PITPNC1: variants seen among roughly 807,000 people sequenced by gnomAD.
The protein encoded by PITPNC1 is phosphatidylinositol transfer protein cytoplasmic 1, also known as cytoplasmic phosphatidylinositol transfer protein 1.
In PITPNC1, 18 loss-of-function variants were observed where a neutral mutation model predicts 44.7. The ratio of observed to expected loss-of-function variants is 0.40; its 90% CI spans 0.28 to 0.60. PITPNC1 has a LOEUF of 0.60. Among genes scored for constraint, PITPNC1 ranks in the 20% least tolerant of loss-of-function variants. The probability of loss-of-function intolerance (pLI) is 0.39; values close to 1 mark genes in which losing one functional copy is unlikely to be tolerated. For missense variants in PITPNC1, 290 were observed against 418.4 expected, an observed-to-expected ratio of 0.69 and a Z score of 2.68; for synonymous variants, 141 against 149.6, an observed-to-expected ratio of 0.94 and a Z score of 0.42.
chr17:67,534,935 T>C (rs2040508466), intron 2 of PITPNC1, among the ~76,000 whole-genome samples: 1 of 152,192 alleles, frequency 6.6e-6, no homozygotes. Flanking sequence ...CATTCTCGCC[T>C]TGACCCCACT....
intron 5 of PITPNC1, among the ~76,000 whole-genome samples, chr17:67,610,846 G>A (rs752298253): frequency 1.3e-5 from 2 of 151,210 alleles, no homozygotes; most frequent in Non-Finnish European, 2.9e-5. Context: ...GTTTGAACCC[G>A]AGGGGCGGAG....
At chr17:67,586,613 A>G (rs752428259) in intron 5 of PITPNC1, among the ~76,000 whole-genome samples, 12 of 151,986 alleles carry the variant, frequency 7.9e-5, no homozygotes, top group Non-Finnish European at 1.5e-4. Context: ...AAAAAAATGT[A>G]TACTAAACTT....
chr17:67,487,156 C>G (rs967855356), intron 1 of PITPNC1, among the ~76,000 whole-genome samples: 7 of 152,080 alleles, frequency 4.6e-5, no homozygotes, highest in African/African-American at 1.7e-4. Flanking sequence ...TTATGTTAGA[C>G]CACCCCAACC....
chr17:67,631,663 TATATATATAAA>T (rs1452061650), intron 5 of PITPNC1, among the ~76,000 whole-genome samples: 3 of 71,370 alleles, frequency 4.2e-5, no homozygotes, highest in Non-Finnish European at 9.8e-5. Context: ...AAAAAATATA[TATATATATAAA>T]ATATATATTT....
At chr17:67,653,834 T>C (rs1310684244) in intron 6 of PITPNC1, among the ~76,000 whole-genome samples, 2 of 152,190 alleles carry the variant, frequency 1.3e-5, no homozygotes, top group African/African-American at 4.8e-5. Context: ...GGAAGATTAC[T>C]GGAAGGAAAG....
chr17:67,528,626 G>A (rs2040420874), intron 1 of PITPNC1, among the ~76,000 whole-genome samples: 1 of 152,160 alleles, frequency 6.6e-6, no homozygotes, highest in Non-Finnish European at 1.5e-5. Flanking sequence ...AGAAACAAGC[G>A]TCCTAAAGAC....
intron 1 of PITPNC1, among the ~76,000 whole-genome samples, chr17:67,419,839 G>A (rs1412293623): frequency 1.3e-5 from 2 of 151,228 alleles, no homozygotes; most frequent in African/African-American, 4.9e-5. Context: ...CCGGGAGGTG[G>A]AAGTTGCAGT....
chr17:67,520,903 G>C (rs976879339), intron 1 of PITPNC1, among the ~76,000 whole-genome samples: 20 of 152,278 alleles, frequency 1.3e-4, no homozygotes, highest in Middle Eastern at 3.4e-3. Context: ...ACCTGTAAGT[G>C]CTGCATGTTA....
intron 1 of PITPNC1, among the ~76,000 whole-genome samples, chr17:67,513,485 G>GTATA (rs1192843030): frequency 2.2e-5 from 3 of 134,880 alleles, no homozygotes; most frequent in African/African-American, 9.6e-5. Context: ...ATATGTGTGT[G>GTATA]TGTGTATATA....
intron 1 of PITPNC1, among the ~76,000 whole-genome samples, chr17:67,441,494 T>C (rs2039012292): frequency 6.6e-6 from 1 of 152,034 alleles, no homozygotes; most frequent in African/African-American, 2.4e-5. Flanking sequence ...GGAAGCAAAG[T>C]GAAGTGGGAA....
rs57804710 is a variant in PITPNC1, at chr17:67,631,655, A to ATATATAT, written c.367-488_367-487insTATATAT. ...AAAACCAAAAAAAAAAAAAAAAAAA[A>ATATATAT]AAATATATATATATATAAAATATAT... On this transcript the variant is annotated intron_variant, in intron 5 of 8. Coordinates refer to ENST00000581322, the MANE Select transcript of PITPNC1 (RefSeq NM_012417.4). 3.6e-3 allele frequency among the ~76,000 whole-genome samples: 30 copies of ATATATAT among 8,304 alleles called. 3 individuals carry two copies. Among genetic ancestry groups the ATATATAT allele is most frequent in the South Asian group, 0.03 (4 of 134 alleles). 5.4% of individuals were successfully genotyped at this position (8,304 alleles called of 152,430 possible).
In PITPNC1 at chr17:67,676,173, C is replaced by T. The variant is rs9789029; in HGVS notation, c.682+631C>T. ...AGTGAGCCGAGATCGCACCACTGCA[C>T]TCCAGCCTGGGGGACAGAGCGAGAC... is the stretch of plus-strand genomic sequence containing the variant. On this transcript the variant is annotated intron_variant, in intron 8 of 8. Transcript: ENST00000581322. The surrounding 1 kb of genome is among the most constrained non-coding windows in gnomAD (Gnocchi z 4.0). Among the ~76,000 whole-genome samples, 85,583 of 150,556 alleles carry T rather than the reference C, an allele frequency of 0.57. 25,048 individuals carry two copies. Among genetic ancestry groups the T allele is most frequent in the Non-Finnish European group, 0.64 (43,466 of 67,646 alleles).
In PITPNC1 at chr17:67,447,080, A is replaced by G. The variant is rs1296784122; in HGVS notation, c.48+68878A>G. Among the ~76,000 whole-genome samples, 44 of 107,198 alleles carry G rather than the reference A, an allele frequency of 4.1e-4. No homozygotes were observed. In the Admixed American group the frequency reaches 5.9e-3, roughly 14 times the overall value. 70.3% of individuals were successfully genotyped at this position (107,198 alleles called of 152,430 possible). A position where few individuals can be genotyped will look rare whatever the true frequency, so the allele number is the denominator to read the frequency against. On this transcript the variant is annotated intron_variant, in intron 1 of 8. Coordinates refer to ENST00000581322, the MANE Select transcript of PITPNC1 (RefSeq NM_012417.4). Reference sequence around the variant, plus strand: ...ACTCCAGCCTGGGCCATAGAGTGAGACTCTGTCTCAAAAAAAAAAAAAAAA... The same window carrying G: ...ACTCCAGCCTGGGCCATAGAGTGAGGCTCTGTCTCAAAAAAAAAAAAAAAA...
intron 1 of PITPNC1, among the ~76,000 whole-genome samples, chr17:67,383,216 C>T (rs565176878): frequency 2.0e-5 from 3 of 152,192 alleles, no homozygotes; most frequent in Middle Eastern, 3.4e-3. Flanking sequence ...AGGCTGGTCT[C>T]GAACTCCTGA....
At chr17:67,657,446 C>A (rs576690830) in intron 6 of PITPNC1, among the ~76,000 whole-genome samples, 16 of 152,088 alleles carry the variant, frequency 1.1e-4, no homozygotes, top group Admixed American at 3.9e-4. Context: ...AACAAAAACA[C>A]CCTTTTTCTG....
Position 67,509,599 on chromosome 17 carries a change from T to A in PITPNC1, c.49-23203T>A, listed in dbSNP as rs114666153. On this transcript the variant is annotated intron_variant, in intron 1 of 8. Coordinates refer to ENST00000581322, the MANE Select transcript of PITPNC1 (RefSeq NM_012417.4). The stretch of plus-strand genomic sequence containing the variant: ...ATAAATAAATAAATAAATAAATAAA[T>A]AAAACGTGTTCAACCGGGTTTGACT... 7.7e-4 allele frequency among the ~76,000 whole-genome samples: 115 copies of A among 149,204 alleles called. 1 individual carries two copies. Among genetic ancestry groups the A allele is most frequent in the African/African-American group, 1.0e-3 (42 of 40,084 alleles).
rs557191028 is a variant in PITPNC1, at chr17:67,437,219, C to T, written c.48+59017C>T. On this transcript the variant is annotated intron_variant, in intron 1 of 8. Transcript: ENST00000581322. ...ACAGGTGTGAGCCACTGCACCTAGC[C>T]GGCAGTAGGGTTTTTGCAGATGTAA... Among the ~76,000 whole-genome samples the T allele has an allele frequency of 2.0e-4, 31 of 152,082 alleles. No individual in the cohort carries two copies. In the East Asian group the frequency reaches 2.7e-3, roughly 13 times the overall value.
chr17:67,641,107 A>G (rs1786558831), intron 6 of PITPNC1, among the ~76,000 whole-genome samples: 2 of 152,214 alleles, frequency 1.3e-5, no homozygotes, highest in Admixed American at 6.5e-5. Flanking sequence ...TGTGTGATCT[A>G]CTTTCCTCAA....
At chr17:67,432,141 A>G (rs1257300200) in intron 1 of PITPNC1, among the ~76,000 whole-genome samples, 2 of 152,208 alleles carry the variant, frequency 1.3e-5, no homozygotes, top group South Asian at 2.1e-4. Flanking sequence ...TGGGTGTCCA[A>G]ACTTTTGGCT....
Sources: allele counts gnomAD v4.1 joint callset (sites outside exome capture counted in the v4.1 genomes callset), GRCh38; gene constraint gnomAD v4.1.1; non-coding constraint Gnocchi (gnomAD v3.1); transcripts MANE v1.5; gene names NCBI Gene and HGNC (gene_info 2026-07-23, HGNC 2026-07-21).